ZNF184: variants seen among roughly 807,000 people sequenced by gnomAD.
The protein encoded by ZNF184 is zinc finger protein 184, also known as zinc finger protein 184 (Kruppel-like).
ZNF184 carries 16 observed loss-of-function variants against 54.4 expected under a neutral mutation model. That is an observed-to-expected ratio of 0.29 (90% CI 0.20 to 0.45). The LOEUF is 0.45. Ranked by LOEUF, ZNF184 falls within the 20% of genes least tolerant of loss-of-function variation. ZNF184 has a pLI of 1.00. For synonymous variants in ZNF184, 254 were observed against 295.3 expected, an observed-to-expected ratio of 0.86 and a Z score of 1.43; for missense variants, 681 against 888.2, an observed-to-expected ratio of 0.77 and a Z score of 2.97.
At chr6:27,437,693 G>A in the ZNF184 span, among the ~76,000 whole-genome samples, 1 of 152,166 alleles carries the variant, frequency 6.6e-6, no homozygotes, top group South Asian at 2.1e-4. Context: ...GAACTGTCTT[G>A]ACTTACATTA....
chr6:27,431,915 A>G, the ZNF184 span, among the ~76,000 whole-genome samples: 2 of 152,200 alleles, frequency 1.3e-5, no homozygotes, highest in Non-Finnish European at 2.9e-5. Context: ...AAGGAGTAAG[A>G]AGGTTTATTA....
chr6:27,448,987 C>T (rs993358822), downstream of ZNF184, among the ~76,000 whole-genome samples: 3 of 152,208 alleles, frequency 2.0e-5, no homozygotes, highest in Non-Finnish European at 4.4e-5. Context: ...TGAACCCCTG[C>T]AAATATAATT....
Position 27,472,033 on chromosome 6 carries a change from G to A in ZNF184, c.7+255C>T, listed in dbSNP as rs1763289034. ...ATATTTAATATTCAGAAGTCATGTG[G>A]GGATCACAGATATTCTGAATGATTA... On this transcript the variant is annotated intron_variant, in intron 2 of 5. Coordinates refer to ENST00000683788, the MANE Select transcript of ZNF184 (RefSeq NM_001318891.2). The surrounding 1 kb of genome is among the most constrained non-coding windows in gnomAD (Gnocchi z 4.8). Among the ~76,000 whole-genome samples the A allele has an allele frequency of 6.6e-6, 1 of 152,100 alleles. No individual in the cohort carries two copies. The highest frequency in any genetic ancestry group is 2.4e-5 in the African/African-American group (1 of 41,412).
chr6:27,427,521 CATTTT>C, the ZNF184 span, among the ~76,000 whole-genome samples: 1 of 152,184 alleles, frequency 6.6e-6, no homozygotes, highest in Non-Finnish European at 1.5e-5. Flanking sequence ...TGAGTGCAGA[CATTTT>C]CCAAAGTTCT....
chr6:27,433,989 CCTTCCTCTCTTTTCTTT>C, the ZNF184 span, among the ~76,000 whole-genome samples: 1 of 148,816 alleles, frequency 6.7e-6, no homozygotes, highest in Non-Finnish European at 1.5e-5. Context: ...TTCCTTCCTT[CCTTCCTCTCTTTTCTTT>C]CTTCCTCTCT....
the ZNF184 span, among the ~76,000 whole-genome samples, chr6:27,412,540 A>T: frequency 1.3e-5 from 2 of 152,360 alleles, no homozygotes; most frequent in Non-Finnish European, 2.9e-5. Context: ...AAGCCACTCC[A>T]TAAGTCAGTA....
chr6:27,434,085 A>G, the ZNF184 span, among the ~76,000 whole-genome samples: 1 of 150,988 alleles, frequency 6.6e-6, no homozygotes. Context: ...CAGTGGTGCA[A>G]CCATAGCTCA....
At chr6:27,424,936 C>T in the ZNF184 span, among the ~76,000 whole-genome samples, 7 of 152,198 alleles carry the variant, frequency 4.6e-5, no homozygotes, top group African/African-American at 9.6e-5. Flanking sequence ...GTGGGAGGCT[C>T]AGGCATGGCG....
chr6:27,432,173 A>G, the ZNF184 span, among the ~76,000 whole-genome samples: 1 of 152,190 alleles, frequency 6.6e-6, no homozygotes, highest in South Asian at 2.1e-4. This position sits in a 1 kb window ranked among gnomAD's most constrained non-coding sequence, Gnocchi z 4.0. Flanking sequence ...TGGTACAGAA[A>G]GGAAGAAGGG....
intron 3 of ZNF184, 69 bp downstream of exon 3, chr6:27,467,784 C>A (rs899535292): frequency 2.1e-6 from 3 of 1,458,228 alleles, no homozygotes; most frequent in African/African-American, 2.9e-5. Context: ...ATAGAAAAAA[C>A]AAAACAAAAC....
chr6:27,456,151 G>A (rs1396176473), intron 5 of ZNF184, among the ~76,000 whole-genome samples: 2 of 151,982 alleles, frequency 1.3e-5, no homozygotes, highest in Admixed American at 1.3e-4. Context: ...CCAGCTACTC[G>A]GGAGACTGAG....
At chr6:27,404,624 G>A in the ZNF184 span, 1 of 152,196 alleles carries the variant, frequency 6.6e-6, no homozygotes, top group Non-Finnish European at 1.5e-5. Flanking sequence ...TTATAATGGA[G>A]CTGGAAAATG....
chr6:27,468,596 T>G (rs999033801), intron 2 of ZNF184, among the ~76,000 whole-genome samples: 1 of 152,206 alleles, frequency 6.6e-6, no homozygotes. Flanking sequence ...TTATTCATAA[T>G]ATCTCAGAAC....
the ZNF184 span, among the ~76,000 whole-genome samples, chr6:27,432,978 C>G: frequency 6.6e-6 from 1 of 152,170 alleles, no homozygotes; most frequent in Non-Finnish European, 1.5e-5. The surrounding 1 kb of genome is among the most constrained non-coding windows in gnomAD (Gnocchi z 4.0). Context: ...AATCTTTTGG[C>G]CTATGGCAAA....
the ZNF184 span, among the ~76,000 whole-genome samples, chr6:27,414,126 A>G: frequency 1.3e-5 from 2 of 152,246 alleles, no homozygotes; most frequent in African/African-American, 4.8e-5. Flanking sequence ...CTAAACCATC[A>G]GCAAATCCTG....
chr6:27,467,619 A>G (rs780245792), intron 3 of ZNF184, among the ~76,000 whole-genome samples: 8 of 152,118 alleles, frequency 5.3e-5, no homozygotes, highest in Non-Finnish European at 1.2e-4. Context: ...CCAGTTTTGT[A>G]CTTCTTTTGC....
the ZNF184 span, among the ~76,000 whole-genome samples, chr6:27,445,721 CAA>C: frequency 2.3e-5 from 3 of 129,192 alleles, no homozygotes; most frequent in Admixed American, 8.0e-5. Context: ...TCTGTTATAG[CAA>C]AAAAAAAAAG....
intron 3 of ZNF184, among the ~76,000 whole-genome samples, chr6:27,462,000 G>T (rs138426859): frequency 4.1e-4 from 62 of 152,262 alleles, no homozygotes; most frequent in African/African-American, 1.4e-3. Flanking sequence ...CACTCAAAAA[G>T]GGTTAGAAAT....
At chr6:27,416,616 G>A in the ZNF184 span, among the ~76,000 whole-genome samples, 1 of 152,048 alleles carries the variant, frequency 6.6e-6, no homozygotes, top group Non-Finnish European at 1.5e-5. Context: ...CCAATCATGG[G>A]ACAATATTCA....
Sources: gnomAD v4.1 joint callset for allele counts (sites outside exome capture counted in the v4.1 genomes callset) on GRCh38, gnomAD v4.1.1 for gene constraint, Gnocchi (gnomAD v3.1) non-coding constraint, MANE v1.5 for transcripts, NCBI Gene and HGNC (gene_info 2026-07-23, HGNC 2026-07-21) for gene names.